The following TENM3 variants were observed in gnomAD, a reference collection of about 807,000 sequenced individuals.
TENM3 encodes the protein teneurin-3.
In TENM3, 63 loss-of-function variants were observed where a neutral mutation model predicts 255.1. The ratio of observed to expected loss-of-function variants is 0.25; its 90% CI spans 0.20 to 0.30. The LOEUF is 0.30. Ranked by LOEUF, TENM3 falls within the 10% of genes least tolerant of loss-of-function variation. TENM3 has a pLI of 1.00. For missense variants in TENM3, 2,929 were observed against 3,461.1 expected, an observed-to-expected ratio of 0.85 and a Z score of 3.86; for synonymous variants, 1,306 against 1,322.3, an observed-to-expected ratio of 0.99 and a Z score of 0.27.
chr4:181,518,073 G>C, the TENM3 span, among the ~76,000 whole-genome samples: 1 of 152,128 alleles, frequency 6.6e-6, no homozygotes, highest in Non-Finnish European at 1.5e-5. Flanking sequence ...ACATGGGAGT[G>C]GCAATCCCTG....
chr4:182,600,883 A>ATATATATGCATATATATATATACATAT, intron 3 of TENM3, 41 bp from the exon 4 acceptor site: 1 of 1,019,578 alleles, frequency 9.8e-7, no homozygotes. Flanking sequence ...ATATATATAT[A>ATATATATGCATATATATATATACATAT]ATGAGTTCTC....
At chr4:181,857,351 T>G in the TENM3 span, among the ~76,000 whole-genome samples, 7 of 93,444 alleles carry the variant, frequency 7.5e-5, no homozygotes, top group South Asian at 3.3e-4. Context: ...AGGGGGCAGG[T>G]GAGGGGAGGG....
chr4:182,280,089 T>A (rs1760273828), intron 1 of TENM3, among the ~76,000 whole-genome samples: 1 of 152,164 alleles, frequency 6.6e-6, no homozygotes, highest in Non-Finnish European at 1.5e-5. Flanking sequence ...ACCAGGTTCA[T>A]GCAGTGAGAA....
intron 11 of TENM3, 136 bp from the exon 12 acceptor site, chr4:182,688,030 A>C (rs550130429): frequency 1.3e-6 from 1 of 797,096 alleles, no homozygotes; most frequent in East Asian, 2.7e-5. Context: ...TAGCATACAA[A>C]TACTTTTGAT....
the TENM3 span, among the ~76,000 whole-genome samples, chr4:181,633,868 G>C: frequency 6.6e-6 from 1 of 152,274 alleles, no homozygotes; most frequent in African/African-American, 2.4e-5. Context: ...CCCCTGCAAG[G>C]CAACAAACTA....
At chr4:182,760,224 G>T (rs116013007) in intron 22 of TENM3, among the ~76,000 whole-genome samples, 5 of 152,180 alleles carry the variant, frequency 3.3e-5, no homozygotes, top group African/African-American at 1.2e-4. Flanking sequence ...GGCCACACGC[G>T]ATCATTCCTT....
At chr4:181,735,940 A>T in the TENM3 span, among the ~76,000 whole-genome samples, 1 of 152,200 alleles carries the variant, frequency 6.6e-6, no homozygotes, top group Non-Finnish European at 1.5e-5. Flanking sequence ...TATAAATGCT[A>T]CGTGTGATTT....
chr4:182,100,107 A>G, the TENM3 span, among the ~76,000 whole-genome samples: 1 of 151,862 alleles, frequency 6.6e-6, no homozygotes, highest in African/African-American at 2.4e-5. Flanking sequence ...TTTGCCTTTA[A>G]TTCTCCTCTC....
At chr4:182,609,034 C>G (rs1748722098) in intron 4 of TENM3, among the ~76,000 whole-genome samples, 1 of 152,188 alleles carries the variant, frequency 6.6e-6, no homozygotes, top group African/African-American at 2.4e-5. Context: ...CTCTTGCTTG[C>G]AGGCTGGTGG....
the TENM3 span, among the ~76,000 whole-genome samples, chr4:181,847,612 T>A: frequency 6.6e-6 from 1 of 152,120 alleles, no homozygotes; most frequent in South Asian, 2.1e-4. Context: ...TGATAAAACA[T>A]CTATAAAATA....
At chr4:181,895,464 C>T in the TENM3 span, among the ~76,000 whole-genome samples, 251 of 151,172 alleles carry the variant, frequency 1.7e-3, 3 homozygotes, top group African/African-American at 4.3e-3. Context: ...ATTCAGTACA[C>T]ACTCGCGCTC....
the TENM3 span, among the ~76,000 whole-genome samples, chr4:182,119,419 T>C: frequency 6.6e-6 from 1 of 152,086 alleles, no homozygotes; most frequent in Non-Finnish European, 1.5e-5. Flanking sequence ...CACGGAGCCT[T>C]CAGCAATTCA....
At chr4:181,641,804 C>CTATA in the TENM3 span, among the ~76,000 whole-genome samples, 10 of 37,394 alleles carry the variant, frequency 2.7e-4, no homozygotes, top group Admixed American at 1.3e-3. Flanking sequence ...TACACACACA[C>CTATA]CATATATATA....
chr4:181,541,139 T>G, the TENM3 span, among the ~76,000 whole-genome samples: 1 of 152,176 alleles, frequency 6.6e-6, no homozygotes, highest in Non-Finnish European at 1.5e-5. Context: ...TTTGGGAGGC[T>G]GAGGCTGGAG....
chr4:182,760,988 A>AGAT (rs147120764), intron 22 of TENM3, among the ~76,000 whole-genome samples: 23,499 of 152,206 alleles, frequency 0.15, 1,929 homozygotes, highest in South Asian at 0.2. Context: ...TAATTAGAAA[A>AGAT]GATATCATTA....
chr4:182,610,855 C>T (rs545618004), intron 4 of TENM3, among the ~76,000 whole-genome samples: 4 of 151,454 alleles, frequency 2.6e-5, no homozygotes, highest in Admixed American at 6.6e-5. Flanking sequence ...GCAATCCTCC[C>T]GCCTCAGCCT....
chr4:181,713,993 C>T, the TENM3 span, among the ~76,000 whole-genome samples: 7 of 152,246 alleles, frequency 4.6e-5, no homozygotes, highest in South Asian at 1.5e-3. Context: ...GCTTCATGAC[C>T]TGCTGAGGGA....
the TENM3 span, among the ~76,000 whole-genome samples, chr4:181,593,529 G>A: frequency 6.6e-6 from 1 of 152,198 alleles, no homozygotes; most frequent in Admixed American, 6.5e-5. Flanking sequence ...CTCCTGAAAT[G>A]ATGGCCAGAT....
chr4:182,652,681 C>T (rs543830749), intron 5 of TENM3, among the ~76,000 whole-genome samples: 2 of 152,334 alleles, frequency 1.3e-5, no homozygotes, highest in East Asian at 3.9e-4. Context: ...TGTATTGGAT[C>T]TGAAGGGCTT....
Sources: gnomAD v4.1 joint callset for allele counts (sites outside exome capture counted in the v4.1 genomes callset) on GRCh38, gnomAD v4.1.1 for gene constraint, MANE v1.5 for transcripts, NCBI Gene and HGNC (gene_info 2026-07-23, HGNC 2026-07-21) for gene names.